Variants in OTOG observed in about 807,000 individuals in gnomAD.
OTOG encodes otogelin.
A neutral mutation model predicts 313.8 loss-of-function variants in OTOG; 296 were observed. That is an observed-to-expected ratio of 0.94 (90% CI 0.86 to 1.04). The LOEUF is 1.04. Among genes scored for constraint, OTOG ranks in the 50% least tolerant of loss-of-function variants. The pLI is 0.00. For synonymous variants in OTOG, 1,533 were observed against 1,554.9 expected (o/e 0.99, Z 0.33); for missense variants, 3,948 against 3,840.1 (o/e 1.03, Z -0.74).
chr11:17,591,421 G>A, intron 24 of OTOG, 29 bp from the exon 25 acceptor site: 3 of 1,550,080 alleles, frequency 1.9e-6, no homozygotes, highest in Non-Finnish European at 2.6e-6. Flanking sequence ...GGTGTGCCCT[G>A]TGATCTGGTC....
At chr11:17,571,256 G>A (rs1008798727) in intron 17 of OTOG, among the ~76,000 whole-genome samples, 3 of 152,218 alleles carry the variant, frequency 2.0e-5, no homozygotes, top group Admixed American at 2.0e-4. Flanking sequence ...ATAGTAGGGG[G>A]AGACCTTGGT....
At chr11:17,629,464 C>G in intron 40 of OTOG, 148 bp downstream of exon 40, 2 of 930,966 alleles carry the variant, frequency 2.1e-6, no homozygotes, top group Admixed American at 5.9e-5. Flanking sequence ...GGAGGCCTAA[C>G]GTCTTGTGTC....
chr11:17,639,064 A>C (rs1275950637), intron 48 of OTOG: 2 of 329,448 alleles, frequency 6.1e-6, no homozygotes, highest in Non-Finnish European at 1.1e-5. Context: ...AAGAAAAATA[A>C]AATAAAATAA....
At chr11:17,592,751 A>G (rs1852980190) in intron 25 of OTOG, among the ~76,000 whole-genome samples, 1 of 152,182 alleles carries the variant, frequency 6.6e-6, no homozygotes, top group Non-Finnish European at 1.5e-5. Flanking sequence ...GTTGTCTCCA[A>G]TATTTAAATG....
In OTOG at chr11:17,634,200, C is replaced by T. The variant is rs1238306172; in HGVS notation, c.7399C>T (p.Arg2467Cys). Residue 2467 changes from arginine (R) to cysteine (C), a missense_variant, in exon 44 of 56, where the codon CGC (arginine) becomes TGC (cysteine). By Grantham distance (180) the Arg-to-Cys change is radical (BLOSUM62 -3). Transcript: ENST00000399397. Reference sequence around the variant, plus strand: ...GGTGGATCTGGGCTGCCCCAGTCCCCGCCCTGAGAGCTGCCTGCGATTCGG... The same window carrying T: ...GGTGGATCTGGGCTGCCCCAGTCCCTGCCCTGAGAGCTGCCTGCGATTCGG... ...VPVDLGCPSP[R>C]PESCLRFGEV... The T allele has an allele frequency of 1.0e-5, 16 of 1,550,358 alleles. No individual in the cohort carries two copies. Among genetic ancestry groups the T allele is most frequent in the Non-Finnish European group, 1.2e-5 (14 of 1,146,980 alleles).
intron 15 of OTOG, among the ~76,000 whole-genome samples, chr11:17,567,087 A>C (rs912776936): frequency 6.6e-6 from 1 of 152,198 alleles, no homozygotes; most frequent in African/African-American, 2.4e-5. Flanking sequence ...CAGAGGAGAG[A>C]ACTGAGATAT....
Position 17,607,603 on chromosome 11 carries a change from G to A in OTOG, c.4157-693G>A, listed in dbSNP as rs1167254905. Reference sequence around the variant, plus strand: ...ATCCGTGTGAGATATTTTGGGTAGCGCCCAGTGCTGTTTAAGAGTTAGCCC... The same window carrying A: ...ATCCGTGTGAGATATTTTGGGTAGCACCCAGTGCTGTTTAAGAGTTAGCCC... On this transcript the variant is annotated intron_variant, in intron 33 of 55. Coordinates refer to ENST00000399397, the MANE Select transcript of OTOG (RefSeq NM_001292063.2). 2.0e-5 allele frequency among the ~76,000 whole-genome samples: 3 copies of A among 152,210 alleles called. No individual in the cohort carries two copies. The South Asian group carries it at 6.2e-4, about 32-fold the overall frequency.
At position 17,611,266 on chromosome 11, in the gene OTOG, C is replaced by G. The variant is rs577901245; in HGVS notation, c.5966C>G (p.Ala1989Gly). The G allele has an allele frequency of 6.0e-4, 938 of 1,550,532 alleles. No individual in the cohort carries two copies. The highest frequency in any genetic ancestry group is 1.3e-3 in the Middle Eastern group (8 of 5,992). The part of the protein sequence containing the change: ...MLVLLPQLAE[A>G]HGTSAGPHLA... ...GTTCTGTTGCCTCAGCTGGCTGAGG[C>G]CCATGGAACCTCGGCAGGGCCTCAC... is the stretch of plus-strand genomic sequence containing the variant. Residue 1989 changes from alanine to glycine, a missense_variant, in exon 36 of 56, where the codon GCC (alanine) becomes GGC (glycine). By Grantham distance (60) the Ala-to-Gly change is moderately conservative (BLOSUM62 0). Transcript: ENST00000399397.
intron 26 of OTOG, 90 bp from the exon 27 acceptor site, chr11:17,593,520 G>A: frequency 6.7e-7 from 1 of 1,500,038 alleles, no homozygotes; most frequent in Middle Eastern, 2.3e-4. Context: ...GAGGGAGGCA[G>A]AGGCATTGGT....
chr11:17,564,946 T>C (rs760533795), intron 15 of OTOG, among the ~76,000 whole-genome samples: 10 of 152,214 alleles, frequency 6.6e-5, no homozygotes, highest in Non-Finnish European at 1.5e-4. Context: ...CAAAGTGTTT[T>C]TTTAAAGTAG....
chr11:17,611,225 C>A lies in OTOG; in HGVS notation c.5925C>A (p.Pro1975=). The change falls in exon 36 of 56, where the codon CCC becomes CCA. Residue 1975 remains proline (P), a synonymous_variant. Transcript: ENST00000399397. ...ALSRVSARTA[P]QDSMLVLLPQ... ...GCCGTGTCTCAGCCAGGACGGCCCC[C>A]CAAGACAGCATGCTGGTTCTGTTGC... The A allele has an allele frequency of 6.4e-7, 1 of 1,550,594 alleles. No individual in the cohort carries two copies. Among genetic ancestry groups the A allele is most frequent in the South Asian group, 1.2e-5 (1 of 84,062 alleles).
intron 3 of OTOG, 103 bp from the exon 4 acceptor site, chr11:17,551,897 C>T: frequency 4.8e-6 from 5 of 1,035,852 alleles, no homozygotes; most frequent in South Asian, 2.8e-5. Context: ...GGGCTCCTCC[C>T]TCTGGGAGAT....
intron 24 of OTOG, among the ~76,000 whole-genome samples, chr11:17,588,335 G>A (rs1219802224): frequency 6.6e-6 from 1 of 152,170 alleles, no homozygotes; most frequent in Non-Finnish European, 1.5e-5. Context: ...GTGTTGCGCT[G>A]GTGTGACTCG....
intron 39 of OTOG, among the ~76,000 whole-genome samples, chr11:17,624,206 T>C (rs951497443): frequency 1.3e-5 from 2 of 152,244 alleles, no homozygotes; most frequent in Non-Finnish European, 2.9e-5. Flanking sequence ...TCTTTTGGTA[T>C]CATTGCCATG....
rs576507243 is a variant in OTOG, at chr11:17,613,835, A to G, written c.6528+134A>G. The G allele has an allele frequency of 8.8e-6, 6 of 678,152 alleles. No homozygotes were observed. In the East Asian group the frequency reaches 1.6e-4, roughly 19 times the overall value. 42.0% of individuals were successfully genotyped at this position (678,152 alleles called of 1,614,324 possible). On this transcript the variant is annotated intron_variant, in intron 39 of 55. Transcript: ENST00000399397. ...TGGGGAGGGGACCTTTTTTTAGAAA[A>G]TAATGCAAAATTAGGTATATTTGGA...
rs1248922223 is a variant in OTOG at position 17,638,726 on chromosome 11, T to C, written c.7894+177T>C. 5 of 1,544,616 alleles carry C rather than the reference T, an allele frequency of 3.2e-6. No individual in the cohort carries two copies. The African/African-American group carries it at 5.5e-5, about 17-fold the overall frequency. On this transcript the variant is annotated intron_variant, in intron 48 of 55. Transcript: ENST00000399397. ...GCATCCGCACTCCAAGTGCTGAGCA[T>C]TCCTACAGCCTTTTCTCTCTAGGAT...
rs1295062471 is a variant in OTOG at position 17,634,837 on chromosome 11, G to GGGCCAGT, written c.7481-5_7482dup. 835 of 1,548,728 alleles carry GGGCCAGT rather than the reference G, an allele frequency of 5.4e-4. No individual in the cohort carries two copies. Among genetic ancestry groups the GGGCCAGT allele is most frequent in the Non-Finnish European group, 7.0e-4 (802 of 1,146,278 alleles). Reference sequence around the variant, plus strand: ...GAGGTGACAGGCCCTGTGGTCCCCGGGGCCAGTGTGTAACCAGACTCTGTG... The same window carrying GGGCCAGT: ...GAGGTGACAGGCCCTGTGGTCCCCGGGGCCAGTGGCCAGTGTGTAACCAGACTCTGTG... On this transcript the variant is annotated splice_polypyrimidine_tract_variant and splice_region_variant and intron_variant, in intron 44 of 55. Coordinates refer to ENST00000399397, the MANE Select transcript of OTOG (RefSeq NM_001292063.2).
chr11:17,638,867 G>T (rs1847909058), intron 48 of OTOG: 1 of 1,153,714 alleles, frequency 8.7e-7, no homozygotes, highest in Non-Finnish European at 1.2e-6. Context: ...AGAGGCCAAG[G>T]CGGGTGGATC....
intron 28 of OTOG, among the ~76,000 whole-genome samples, 172 bp downstream of exon 28, chr11:17,594,338 T>C (rs919835458): frequency 6.6e-6 from 1 of 152,146 alleles, no homozygotes; most frequent in African/African-American, 2.4e-5. Flanking sequence ...GGCCCAAAGA[T>C]CATGCATAGT....
Sources: gnomAD v4.1 joint callset for allele counts (sites outside exome capture counted in the v4.1 genomes callset) on GRCh38, gnomAD v4.1.1 for gene constraint, MANE v1.5 for transcripts, NCBI Gene and HGNC (gene_info 2026-07-23, HGNC 2026-07-21) for gene names.